Variants in USP24 observed in about 807,000 individuals in gnomAD.
The protein encoded by USP24 is ubiquitin specific peptidase 24, also known as ubiquitin carboxyl-terminal hydrolase 24.
In USP24, 97 loss-of-function variants were observed where a neutral mutation model predicts 361.6. The observed-to-expected ratio is 0.27, with a 90% CI of 0.23 to 0.32. The LOEUF (loss-of-function observed/expected upper bound fraction) is 0.32. Among genes scored for constraint, USP24 ranks in the 10% least tolerant of loss-of-function variants. The pLI is 1.00. For synonymous variants in USP24, 1,098 were observed against 1,124.6 expected, an observed-to-expected ratio of 0.98 and a Z score of 0.47; for missense variants, 2,353 against 3,165.6, an observed-to-expected ratio of 0.74 and a Z score of 6.16.
intron 35 of USP24, 74 bp downstream of exon 35, chr1:55,124,395 G>A: frequency 6.7e-7 from 1 of 1,502,256 alleles, no homozygotes; most frequent in Non-Finnish European, 8.9e-7. Flanking sequence ...TGTGACTCTG[G>A]CAAACCTACA....
In USP24 at chr1:55,089,613, A is replaced by C; in HGVS notation, c.6668+14T>G. 1 of 1,531,688 alleles carries C rather than the reference A, an allele frequency of 6.5e-7. No individual in the cohort carries two copies. Among genetic ancestry groups the C allele is most frequent in the Non-Finnish European group, 8.8e-7 (1 of 1,133,266 alleles). 94.9% of individuals were successfully genotyped at this position (1,531,688 alleles called of 1,614,324 possible). ...GACACAAATTTCTTTTAATTAAAAG[A>C]CTCCAACACTTACTTTATCAATTCT... On this transcript the variant is annotated intron_variant, in intron 55 of 67. Transcript: ENST00000294383.
In USP24 at chr1:55,125,421, A is replaced by T. The variant is rs775152180; in HGVS notation, c.3859T>A (p.Cys1287Ser). ...SRQTSRQMSL[C>S]GTPEKSSYRQ... ...TAGGATGACTTTTCTGGGGTACCAC[A>T]TAAGGACATCTGTCTGCTTGTCTGC... Residue 1287 changes from cysteine to serine, a missense_variant, in exon 34 of 68, where the codon TGT (cysteine) becomes AGT (serine). Physicochemically the swap from Cys to Ser is moderately radical, Grantham distance 112 (BLOSUM62 -1). Coordinates refer to ENST00000294383, the MANE Select transcript of USP24 (RefSeq NM_015306.3). The T allele has an allele frequency of 2.1e-5, 34 of 1,613,900 alleles. No individual in the cohort carries two copies. Among genetic ancestry groups the T allele is most frequent in the Non-Finnish European group, 2.9e-5 (34 of 1,179,886 alleles).
intron 61 of USP24, 93 bp downstream of exon 61, chr1:55,078,445 G>T (rs2100415373): frequency 1.2e-6 from 1 of 853,290 alleles, no homozygotes; most frequent in Non-Finnish European, 1.7e-6. Flanking sequence ...CTTAGGCTAT[G>T]AGAACAAGCA....
intron 1 of USP24, among the ~76,000 whole-genome samples, chr1:55,178,358 C>T (rs1045265910): frequency 1.3e-5 from 2 of 152,088 alleles, no homozygotes; most frequent in Admixed American, 6.6e-5. Flanking sequence ...AAGGTGACCT[C>T]ATCTCTTTCG....
Position 55,191,461 on chromosome 1 carries a change from A to G in USP24, c.325-13329T>C, listed in dbSNP as rs577613553. Among the ~76,000 whole-genome samples, 17 of 149,608 alleles carry G rather than the reference A, an allele frequency of 1.1e-4. No individual in the cohort carries two copies. In the Admixed American group the frequency reaches 1.1e-3, roughly 10 times the overall value. ...CCAACTGTTTGGACTAAGGCTTAGT[A>G]TTTACTTACTTATAAGATCAATATG... On this transcript the variant is annotated intron_variant, in intron 1 of 67. Coordinates refer to ENST00000294383, the MANE Select transcript of USP24 (RefSeq NM_015306.3).
chr1:55,189,115 C>G (rs948771162), intron 1 of USP24, among the ~76,000 whole-genome samples: 2 of 151,826 alleles, frequency 1.3e-5, no homozygotes, highest in Admixed American at 1.3e-4. Context: ...TCAAAGGTTA[C>G]TAAGTTTCCA....
chr1:55,111,998 T>C (rs1645969265), intron 38 of USP24, among the ~76,000 whole-genome samples: 1 of 152,036 alleles, frequency 6.6e-6, no homozygotes, highest in African/African-American at 2.4e-5. Flanking sequence ...TAACTATATT[T>C]GAGAAATTCT....
rs566245111 is a variant in USP24 at position 55,067,802 on chromosome 1, T to C, written c.*1243A>G. 2.0e-5 allele frequency: 3 copies of C among 152,258 alleles called. No homozygotes were observed. The highest frequency in any genetic ancestry group is 7.2e-5 in the African/African-American group (3 of 41,548). The allele number at this position is 152,258 out of a possible 1,614,324, so 9.4% of individuals were successfully genotyped here. A position where few individuals can be genotyped will look rare whatever the true frequency, so the allele number is the denominator to read the frequency against. On this transcript the variant is annotated 3_prime_UTR_variant, in exon 68 of 68. Coordinates refer to ENST00000294383, the MANE Select transcript of USP24 (RefSeq NM_015306.3). ...AATTCAAAATACAAAATGTACAAAA[T>C]ATATATGAAATATGTGGGTGTAAAC...
At chr1:55,118,348 A>G (rs1165357079) in intron 38 of USP24, among the ~76,000 whole-genome samples, 1 of 152,212 alleles carries the variant, frequency 6.6e-6, no homozygotes, top group East Asian at 1.9e-4. Flanking sequence ...AAACCATTCA[A>G]TGGGGAAAGG....
Position 55,078,648 on chromosome 1 carries a change from T to C in USP24, c.7204A>G (p.Met2402Val), listed in dbSNP as rs1315696717. The change falls in exon 61 of 68, where the codon ATG becomes GTG. Residue 2402 changes from methionine (M) to valine (V), a missense_variant. Around this residue, in one of 8 missense-constraint regions of USP24, gnomAD observed 598 missense variants for 761.9 expected, o/e 0.78. Coordinates refer to ENST00000294383, the MANE Select transcript of USP24 (RefSeq NM_015306.3). ...CCTGTCAGCTCCCGCAAAGCAAACA[T>C]TACCTGGTGGGAAGACATAACACAG... ...SEGKPYLLEV[M>V]FALRELTGSL... The C allele has an allele frequency of 6.2e-7, 1 of 1,604,010 alleles. No homozygotes were observed. Among genetic ancestry groups the C allele is most frequent in the East Asian group, 2.2e-5 (1 of 44,596 alleles).
chr1:55,091,841 CTCTTT>C (rs1185114078), intron 54 of USP24, among the ~76,000 whole-genome samples, 177 bp downstream of exon 54: 1 of 152,118 alleles, frequency 6.6e-6, no homozygotes, highest in Non-Finnish European at 1.5e-5. Flanking sequence ...TTAGGTATTT[CTCTTT>C]TGTTTGAGCT....
At chr1:55,138,783 T>C (rs1388865700) in intron 25 of USP24, 65 bp from the exon 26 acceptor site, 6 of 1,309,546 alleles carry the variant, frequency 4.6e-6, no homozygotes, top group East Asian at 2.4e-5. Context: ...AAAATACATA[T>C]CTATGTATAT....
chr1:55,118,086 T>G (rs1000167037), intron 38 of USP24, among the ~76,000 whole-genome samples: 7 of 152,196 alleles, frequency 4.6e-5, no homozygotes, highest in Non-Finnish European at 7.4e-5. Context: ...CAATGAAATC[T>G]CTATGAAAAT....
intron 5 of USP24, 117 bp from the exon 6 acceptor site, chr1:55,166,720 A>AG: frequency 3.8e-6 from 4 of 1,054,460 alleles, no homozygotes; most frequent in Non-Finnish European, 5.5e-6. Context: ...TTTGGAAACT[A>AG]TTTTCAAAGT....
At position 55,138,718 on chromosome 1, in the gene USP24, C is replaced by T; in HGVS notation, c.2818G>A (p.Asp940Asn). The T allele has an allele frequency of 6.2e-7, 1 of 1,607,294 alleles. No homozygotes were observed. The change falls in exon 26 of 68, where the codon GAT (aspartate) becomes AAT (asparagine). Residue 940 changes from aspartate to asparagine, a missense_variant and splice_region_variant. Asp to Asn is a conservative substitution (Grantham distance 23). Coordinates refer to ENST00000294383, the MANE Select transcript of USP24 (RefSeq NM_015306.3). Reference sequence around the variant, plus strand: ...ATAGTTCGTGGAACAGAGTAAAAATCCTTAAAAAACGAATAAGTCAAGTCA... The same window carrying T: ...ATAGTTCGTGGAACAGAGTAAAAATTCTTAAAAAACGAATAAGTCAAGTCA... ...LAERYVITIE[D>N]FYSVPRTILP...
intron 55 of USP24, among the ~76,000 whole-genome samples, chr1:55,089,116 C>T (rs1019341627): frequency 6.6e-6 from 1 of 152,134 alleles, no homozygotes; most frequent in Admixed American, 6.5e-5. Flanking sequence ...CCATGTTGGC[C>T]AGGATGGTCT....
In USP24 at chr1:55,143,050, C is replaced by A; in HGVS notation, c.2509G>T (p.Glu837Ter). 6.5e-7 allele frequency: 1 copy of A among 1,533,354 alleles called. No individual in the cohort carries two copies. Among genetic ancestry groups the A allele is most frequent in the Non-Finnish European group, 8.8e-7 (1 of 1,141,608 alleles). The allele number at this position is 1,533,354 out of a possible 1,614,324, so 95.0% of individuals were successfully genotyped here. A position where few individuals can be genotyped will look rare whatever the true frequency, so the allele number is the denominator to read the frequency against. The change falls in exon 22 of 68, where the codon GAA becomes TAA. Residue 837 changes from glutamate (E) to a stop codon, truncating the protein, a stop_gained. Transcript: ENST00000294383. LOFTEE classifies it high-confidence loss of function. ...AGCTGAATAGCTTCATTAGCAATTT[C>A]TTCATCAGGTGATTCCATGGCTATT... The part of the protein sequence containing the change: ...WKIAMESPDE[E>*]IANEAIQLII...
intron 31 of USP24, 50 bp from the exon 32 acceptor site, chr1:55,129,624 T>G: frequency 7.0e-7 from 1 of 1,422,986 alleles, no homozygotes; most frequent in South Asian, 1.2e-5. Context: ...TCAGCAGAAA[T>G]TACTCCTTTA....
intron 12 of USP24, among the ~76,000 whole-genome samples, chr1:55,155,415 T>A (rs1198926345): frequency 6.6e-6 from 1 of 152,234 alleles, no homozygotes; most frequent in East Asian, 1.9e-4. Context: ...TTTCTCAATA[T>A]ATACTATGCA....
Sources: gnomAD v4.1 joint callset for allele counts (sites outside exome capture counted in the v4.1 genomes callset) on GRCh38, gnomAD v4.1.1 for gene constraint, gnomAD v4.1.1 regional missense constraint, MANE v1.5 for transcripts, NCBI Gene and HGNC (gene_info 2026-07-23, HGNC 2026-07-21) for gene names.